PRKAA2: variants seen among roughly 807,000 people sequenced by gnomAD.
PRKAA2 encodes protein kinase AMP-activated catalytic subunit alpha 2.
Under a neutral mutation model 56.3 loss-of-function variants are expected in PRKAA2, and 40 were observed. That is an observed-to-expected ratio of 0.71 (90% CI 0.55 to 0.92). PRKAA2 has a LOEUF of 0.92. PRKAA2 is among the 40% of genes least tolerant of loss of function. The pLI is 0.00. For synonymous variants in PRKAA2, 214 were observed against 234.2 expected, an observed-to-expected ratio of 0.91 and a Z score of 0.79; for missense variants, 542 against 686.9, an observed-to-expected ratio of 0.79 and a Z score of 2.36.
chr1:56,684,624 A>G (rs1644178710), intron 2 of PRKAA2, among the ~76,000 whole-genome samples: 1 of 152,308 alleles, frequency 6.6e-6, no homozygotes, highest in Admixed American at 6.5e-5. Context: ...AAGATCACCA[A>G]CTGTCCCTTT....
chr1:56,692,309 T>C, intron 3 of PRKAA2, 49 bp from the exon 4 acceptor site: 1 of 1,609,818 alleles, frequency 6.2e-7, no homozygotes, highest in Non-Finnish European at 8.5e-7. Context: ...CATGAGCCAC[T>C]GTGCCCAGCC....
chr1:56,713,877 T>C lies in PRKAA2; in HGVS notation c.*6164T>C, dbSNP rs1644386952. 1.4e-5 allele frequency: 2 copies of C among 143,472 alleles called. No homozygotes were observed. Among genetic ancestry groups the C allele is most frequent in the African/African-American group, 5.2e-5 (2 of 38,648 alleles). The allele number at this position is 143,472 out of a possible 1,614,324, so 8.9% of individuals were successfully genotyped here. Reference sequence around the variant, plus strand: ...AAAAAAAAAAAAAAAAAACACTAAATTGTGCCTTCTCCCTTAAATTATAAG... The same window carrying C: ...AAAAAAAAAAAAAAAAAACACTAAACTGTGCCTTCTCCCTTAAATTATAAG... On this transcript the variant is annotated 3_prime_UTR_variant, in exon 9 of 9. Coordinates refer to ENST00000371244, the MANE Select transcript of PRKAA2 (RefSeq NM_006252.4).
rs757985759 is a variant in PRKAA2, at chr1:56,645,424, A to G, written c.37A>G (p.Ile13Val). 1 of 1,516,504 alleles carries G rather than the reference A, an allele frequency of 6.6e-7. No homozygotes were observed. Among genetic ancestry groups the G allele is most frequent in the Non-Finnish European group, 8.9e-7 (1 of 1,127,008 alleles). The allele number at this position is 1,516,504 out of a possible 1,614,324, so 93.9% of individuals were successfully genotyped here. A position where few individuals can be genotyped will look rare whatever the true frequency, so the allele number is the denominator to read the frequency against. The change falls in exon 1 of 9, where the codon ATC becomes GTC. Residue 13 changes from isoleucine (I) to valine (V), a missense_variant. This residue lies in a region of PRKAA2 where 59 missense variants were observed against 53.9 expected (regional missense o/e 1.09). Coordinates refer to ENST00000371244, the MANE Select transcript of PRKAA2 (RefSeq NM_006252.4). Reference sequence around the variant, plus strand: ...GCAGAAGCACGACGGGCGGGTGAAGATCGGACACTACGTGCTGGGCGACAC... The same window carrying G: ...GCAGAAGCACGACGGGCGGGTGAAGGTCGGACACTACGTGCTGGGCGACAC... ...EKQKHDGRVK[I>V]GHYVLGDTLG...
At chr1:56,658,590 C>T (rs1378994652) in intron 1 of PRKAA2, among the ~76,000 whole-genome samples, 1 of 145,654 alleles carries the variant, frequency 6.9e-6, no homozygotes, top group Non-Finnish European at 1.5e-5. Flanking sequence ...TTTTTCTTCC[C>T]CCCCCCCGCC....
chr1:56,713,049 A>G lies in PRKAA2; in HGVS notation c.*5336A>G, dbSNP rs1644379365. ...AAACACTGAATTATTAGCTTGATAG[A>G]GTTTCTCCCAAACCTTATAAAACTT... On this transcript the variant is annotated 3_prime_UTR_variant, in exon 9 of 9. Coordinates refer to ENST00000371244, the MANE Select transcript of PRKAA2 (RefSeq NM_006252.4). 1 of 152,166 alleles carries G rather than the reference A, an allele frequency of 6.6e-6. No individual in the cohort carries two copies. Among genetic ancestry groups the G allele is most frequent in the Admixed American group, 6.5e-5 (1 of 15,268 alleles). The allele number at this position is 152,166 out of a possible 1,614,324, so 9.4% of individuals were successfully genotyped here. A position where few individuals can be genotyped will look rare whatever the true frequency, so the allele number is the denominator to read the frequency against.
chr1:56,652,192 T>C (rs1643906212), intron 1 of PRKAA2, among the ~76,000 whole-genome samples: 1 of 151,566 alleles, frequency 6.6e-6, no homozygotes, highest in African/African-American at 2.4e-5. Context: ...TTTTGTATTG[T>C]AGTAGAGATG....
chr1:56,680,342 T>G (rs894238270), intron 2 of PRKAA2, among the ~76,000 whole-genome samples: 12 of 149,950 alleles, frequency 8.0e-5, no homozygotes, highest in East Asian at 1.9e-4. Context: ...GGAATTATGG[T>G]TTTTTTTTTA....
In PRKAA2 at chr1:56,713,308, T is replaced by A. The variant is rs1294790125; in HGVS notation, c.*5595T>A. On this transcript the variant is annotated 3_prime_UTR_variant, in exon 9 of 9. Transcript: ENST00000371244. ...TAGAAGAGTTATCAGACTGTAGGCC[T>A]GTATTAATTTTGCAAGCTAATGTTA... is the stretch of plus-strand genomic sequence containing the variant. 1 of 152,204 alleles carries A rather than the reference T, an allele frequency of 6.6e-6. No individual in the cohort carries two copies. Among genetic ancestry groups the A allele is most frequent in the African/African-American group, 2.4e-5 (1 of 41,462 alleles). The allele number at this position is 152,204 out of a possible 1,614,324, so 9.4% of individuals were successfully genotyped here. A position where few individuals can be genotyped will look rare whatever the true frequency, so the allele number is the denominator to read the frequency against.
chr1:56,700,603 G>GT (rs1443959579), intron 6 of PRKAA2, among the ~76,000 whole-genome samples: 1 of 152,172 alleles, frequency 6.6e-6, no homozygotes, highest in Non-Finnish European at 1.5e-5. Context: ...GCTTCAGGCA[G>GT]TTGCGATGTT....
intron 2 of PRKAA2, among the ~76,000 whole-genome samples, chr1:56,680,318 A>G (rs1644144114): frequency 6.6e-6 from 1 of 152,112 alleles, no homozygotes; most frequent in South Asian, 2.1e-4. Flanking sequence ...ACAAGACTGA[A>G]GTACTTAGGA....
Position 56,708,328 on chromosome 1 carries a change from T to A in PRKAA2, c.*615T>A, listed in dbSNP as rs1376166996. On this transcript the variant is annotated 3_prime_UTR_variant, in exon 9 of 9. Transcript: ENST00000371244. ...AACAGGTAACCACAATTTTCAGGTT[T>A]CTTAAAAACAGCTGTAACTAACTCA... 1.3e-5 allele frequency: 2 copies of A among 152,174 alleles called. No homozygotes were observed. The highest frequency in any genetic ancestry group is 6.5e-5 in the Admixed American group (1 of 15,270). 9.4% of individuals were successfully genotyped at this position (152,174 alleles called of 1,614,324 possible).
chr1:56,713,478 T>C lies in PRKAA2; in HGVS notation c.*5765T>C, dbSNP rs1644382344. On this transcript the variant is annotated 3_prime_UTR_variant, in exon 9 of 9. Coordinates refer to ENST00000371244, the MANE Select transcript of PRKAA2 (RefSeq NM_006252.4). ...TTTGGACAAGCAGGGTAGGTAAATTTCAATTACGTTTGAAGTGTAATTAAA... is the reference window on the plus strand; with the variant it reads ...TTTGGACAAGCAGGGTAGGTAAATTCCAATTACGTTTGAAGTGTAATTAAA... 1 of 152,104 alleles carries C rather than the reference T, an allele frequency of 6.6e-6. No homozygotes were observed. The highest frequency in any genetic ancestry group is 2.1e-4 in the South Asian group (1 of 4,826). 9.4% of individuals were successfully genotyped at this position (152,104 alleles called of 1,614,324 possible). A position where few individuals can be genotyped will look rare whatever the true frequency, so the allele number is the denominator to read the frequency against.
chr1:56,657,976 A>G (rs1276278990), intron 1 of PRKAA2, among the ~76,000 whole-genome samples: 1 of 152,202 alleles, frequency 6.6e-6, no homozygotes, highest in Non-Finnish European at 1.5e-5. Flanking sequence ...ATCTTGCGAG[A>G]CTGAGAATAT....
At chr1:56,652,390 T>C (rs10889005) in intron 1 of PRKAA2, among the ~76,000 whole-genome samples, 132,514 of 152,066 alleles carry the variant, frequency 0.87, 57,815 homozygotes, top group Admixed American at 0.89. Context: ...CTCTTGACCT[T>C]GTGATCCACC....
Position 56,703,885 on chromosome 1 carries a change from T to G in PRKAA2, c.789-86T>G, listed in dbSNP as rs997781864. ...AGGTCTAGAGACCAGATCTTTTGAT[T>G]ATATTCTATTATATTGCCCTATGTC... On this transcript the variant is annotated intron_variant, in intron 6 of 8. Transcript: ENST00000371244. 10 of 1,402,996 alleles carry G rather than the reference T, an allele frequency of 7.1e-6. No individual in the cohort carries two copies. The African/African-American group carries it at 1.3e-4, about 18-fold the overall frequency. 86.9% of individuals were successfully genotyped at this position (1,402,996 alleles called of 1,614,324 possible). A position where few individuals can be genotyped will look rare whatever the true frequency, so the allele number is the denominator to read the frequency against.
At chr1:56,646,519 T>C (rs1646643848) in intron 1 of PRKAA2, among the ~76,000 whole-genome samples, 1 of 152,222 alleles carries the variant, frequency 6.6e-6, no homozygotes, top group South Asian at 2.1e-4. Context: ...GAACTTTCAT[T>C]TGTTTTCTTT....
In PRKAA2 at chr1:56,692,227, T is replaced by TC. The variant is rs1205055208; in HGVS notation, c.331-130dup. 1.6e-5 allele frequency: 17 copies of TC among 1,041,690 alleles called. No individual in the cohort carries two copies. The East Asian group carries it at 3.9e-4, about 24-fold the overall frequency. The allele number at this position is 1,041,690 out of a possible 1,614,324, so 64.5% of individuals were successfully genotyped here. A position where few individuals can be genotyped will look rare whatever the true frequency, so the allele number is the denominator to read the frequency against. On this transcript the variant is annotated intron_variant, in intron 3 of 8. Coordinates refer to ENST00000371244, the MANE Select transcript of PRKAA2 (RefSeq NM_006252.4). ...TTGTATTTTTAGTAGAGATGGAGTT[T>TC]CACCTTATTGGTCAGGCTGGTCTCA...
At position 56,714,851 on chromosome 1, in the gene PRKAA2, T is replaced by C. The variant is rs1354001083; in HGVS notation, c.*7138T>C. 6.6e-6 allele frequency: 1 copy of C among 152,126 alleles called. No homozygotes were observed. The highest frequency in any genetic ancestry group is 1.5e-5 in the Non-Finnish European group (1 of 67,998). 9.4% of individuals were successfully genotyped at this position (152,126 alleles called of 1,614,324 possible). Reference sequence around the variant, plus strand: ...GTCATGACAATCATAATATAGGATATAATATTTACTTTTTTTCAAAAACAT... The same window carrying C: ...GTCATGACAATCATAATATAGGATACAATATTTACTTTTTTTCAAAAACAT... On this transcript the variant is annotated 3_prime_UTR_variant, in exon 9 of 9. Coordinates refer to ENST00000371244, the MANE Select transcript of PRKAA2 (RefSeq NM_006252.4).
At chr1:56,684,152 C>T (rs2100416148) in intron 2 of PRKAA2, among the ~76,000 whole-genome samples, 1 of 152,168 alleles carries the variant, frequency 6.6e-6, no homozygotes. Context: ...AAGGATGACG[C>T]CAAGGCATCT....
Sources: allele counts gnomAD v4.1 joint callset (sites outside exome capture counted in the v4.1 genomes callset), GRCh38; gene constraint gnomAD v4.1.1; regional missense constraint gnomAD v4.1.1; transcripts MANE v1.5; gene names NCBI Gene and HGNC (gene_info 2026-07-23, HGNC 2026-07-21).